CDK8: variants seen among roughly 807,000 people sequenced by gnomAD.
The protein encoded by CDK8 is cyclin dependent kinase 8.
A neutral mutation model predicts 71.5 loss-of-function variants in CDK8; 29 were observed. The ratio of observed to expected loss-of-function variants is 0.41; its 90% CI spans 0.30 to 0.55. The LOEUF is 0.55. Ranked by LOEUF, CDK8 falls within the 20% of genes least tolerant of loss-of-function variation. The pLI is 0.37. For synonymous variants in CDK8, 161 were observed against 192.1 expected, an observed-to-expected ratio of 0.84 and a Z score of 1.34; for missense variants, 288 against 572.6, an observed-to-expected ratio of 0.50 and a Z score of 5.07.
chr13:26,382,879 A>G lies in CDK8; in HGVS notation c.514+8A>G, dbSNP rs1490592478. 10 of 1,581,874 alleles carry G rather than the reference A, an allele frequency of 6.3e-6. No individual in the cohort carries two copies. Among genetic ancestry groups the G allele is most frequent in the South Asian group, 4.6e-5 (4 of 86,658 alleles). On this transcript the variant is annotated splice_region_variant and intron_variant, in intron 5 of 12. Coordinates refer to ENST00000381527, the MANE Select transcript of CDK8 (RefSeq NM_001260.3). ...GAGGAAGAGTAAAAATTGGTATGTT[A>G]TATCTTTGCTAAGTCACAGTGTAGC...
At chr13:26,353,596 T>G (rs937086908) in intron 3 of CDK8, 144 bp from the exon 4 acceptor site, 1 of 643,660 alleles carries the variant, frequency 1.6e-6, no homozygotes, top group East Asian at 2.8e-5. Flanking sequence ...TAAAGTTGTT[T>G]ATGTTATTCA....
intron 6 of CDK8, among the ~76,000 whole-genome samples, chr13:26,390,129 C>T (rs1875678412): frequency 6.6e-6 from 1 of 152,188 alleles, no homozygotes. Flanking sequence ...AAATACTCAA[C>T]AAATTTCTCA....
At chr13:26,309,815 T>C (rs548315296) in intron 1 of CDK8, among the ~76,000 whole-genome samples, 3 of 152,130 alleles carry the variant, frequency 2.0e-5, no homozygotes, top group Admixed American at 1.3e-4. Context: ...TGAGACAGAG[T>C]CTCGCTCTGT....
chr13:26,323,298 TGAGAGAGAGAGAGA>T (rs10523917), intron 1 of CDK8, among the ~76,000 whole-genome samples: 17 of 132,208 alleles, frequency 1.3e-4, no homozygotes, highest in East Asian at 8.5e-4. Context: ...TCCTCACATG[TGAGAGAGAGAGAGA>T]GAGAGAGAGA....
intron 1 of CDK8, among the ~76,000 whole-genome samples, chr13:26,264,711 T>C (rs1440380283): frequency 6.6e-6 from 1 of 152,024 alleles, no homozygotes; most frequent in Non-Finnish European, 1.5e-5. Context: ...TTAACTCACT[T>C]CTCCTCCTCT....
intron 1 of CDK8, among the ~76,000 whole-genome samples, chr13:26,271,731 G>A (rs757504211): frequency 2.0e-5 from 3 of 149,176 alleles, no homozygotes; most frequent in African/African-American, 7.4e-5. Context: ...GATTGCTTGA[G>A]TCCAGGAGCT....
At chr13:26,293,120 G>A (rs1365459430) in intron 1 of CDK8, among the ~76,000 whole-genome samples, 4 of 151,944 alleles carry the variant, frequency 2.6e-5, no homozygotes, top group Non-Finnish European at 1.5e-5. Context: ...TTCTCTTTTT[G>A]TATTTTCTTT....
At position 26,344,120 on chromosome 13, in the gene CDK8, C is replaced by T. The variant is rs1377859148; in HGVS notation, c.205-4952C>T. Reference sequence around the variant, plus strand: ...GTCCATGTTTATCCAATGTTTAGCCCCTACTTTTAAGTGAGAACATGTGGT... The same window carrying T: ...GTCCATGTTTATCCAATGTTTAGCCTCTACTTTTAAGTGAGAACATGTGGT... On this transcript the variant is annotated intron_variant, in intron 2 of 12. Coordinates refer to ENST00000381527, the MANE Select transcript of CDK8 (RefSeq NM_001260.3). Among the ~76,000 whole-genome samples, 3 of 152,108 alleles carry T rather than the reference C, an allele frequency of 2.0e-5. No homozygotes were observed. In the East Asian group the frequency reaches 5.8e-4, roughly 29 times the overall value.
intron 1 of CDK8, among the ~76,000 whole-genome samples, chr13:26,262,441 C>T (rs541150628): frequency 6.6e-6 from 1 of 152,146 alleles, no homozygotes; most frequent in South Asian, 2.1e-4. Flanking sequence ...TTTTTCTAAA[C>T]TTGCTAACAT....
At chr13:26,360,748 A>G (rs1874100291) in intron 4 of CDK8, among the ~76,000 whole-genome samples, 2 of 152,214 alleles carry the variant, frequency 1.3e-5, no homozygotes, top group South Asian at 4.1e-4. Context: ...AGTGGCTTCC[A>G]AGGTTATTTC....
chr13:26,280,646 T>C (rs1872708658), intron 1 of CDK8, among the ~76,000 whole-genome samples: 1 of 152,264 alleles, frequency 6.6e-6, no homozygotes, highest in African/African-American at 2.4e-5. Context: ...TCAAGTGTTT[T>C]GCCTGTTTTT....
At chr13:26,329,288 T>C (rs913681343) in intron 1 of CDK8, among the ~76,000 whole-genome samples, 3 of 152,084 alleles carry the variant, frequency 2.0e-5, no homozygotes, top group African/African-American at 7.2e-5. Flanking sequence ...TCCTCCCATC[T>C]CTTAAAGGTG....
intron 4 of CDK8, among the ~76,000 whole-genome samples, chr13:26,381,028 T>A (rs1385458650): frequency 3.3e-5 from 5 of 152,184 alleles, no homozygotes; most frequent in African/African-American, 1.2e-4. Flanking sequence ...AGATTTGTCT[T>A]TTATGAAAAT....
chr13:26,401,600 A>T lies in CDK8; in HGVS notation c.1245A>T (p.Gly415=), dbSNP rs1213544322. Residue 415 remains glycine (G), a synonymous_variant, in exon 12 of 13, where the codon GGA becomes GGT. Coordinates refer to ENST00000381527, the MANE Select transcript of CDK8 (RefSeq NM_001260.3). The surrounding 1 kb of genome is among the most constrained non-coding windows in gnomAD (Gnocchi z 4.5). ...TTCCTCCTACCACTACCTCAGGTGG[A>T]CTTATCATGACCTCAGACTATCAGG... is the stretch of plus-strand genomic sequence containing the variant. ...RVVPPTTTSG[G]LIMTSDYQRS... is the part of the protein sequence containing the mutation. The T allele has an allele frequency of 6.2e-7, 1 of 1,614,048 alleles. No individual in the cohort carries two copies. Among genetic ancestry groups the T allele is most frequent in the Non-Finnish European group, 8.5e-7 (1 of 1,180,018 alleles).
intron 1 of CDK8, among the ~76,000 whole-genome samples, chr13:26,287,635 G>A (rs1873082588): frequency 6.6e-6 from 1 of 152,146 alleles, no homozygotes; most frequent in South Asian, 2.1e-4. Flanking sequence ...CTGCTCAGGT[G>A]ATGGGTGCAT....
chr13:26,298,980 T>A (rs1873691129), intron 1 of CDK8, among the ~76,000 whole-genome samples: 1 of 152,182 alleles, frequency 6.6e-6, no homozygotes, highest in South Asian at 2.1e-4. Context: ...TCATCCAATA[T>A]GCTTTTCTAA....
chr13:26,305,220 T>G (rs886803950), intron 1 of CDK8, among the ~76,000 whole-genome samples: 2 of 152,204 alleles, frequency 1.3e-5, no homozygotes, highest in African/African-American at 4.8e-5. Flanking sequence ...TTGAAGGATA[T>G]TTCTCTTGGT....
intron 1 of CDK8, among the ~76,000 whole-genome samples, chr13:26,313,081 C>T (rs1336593276): frequency 6.6e-6 from 1 of 152,172 alleles, no homozygotes; most frequent in African/African-American, 2.4e-5. Flanking sequence ...AGTTAACTCC[C>T]AGGTCAGATT....
chr13:26,255,730 T>C (rs914285509), intron 1 of CDK8, among the ~76,000 whole-genome samples: 4 of 152,200 alleles, frequency 2.6e-5, no homozygotes, highest in African/African-American at 9.7e-5. Context: ...TATTGAAAAG[T>C]CAAAGCTTAT....
Sources: allele counts gnomAD v4.1 joint callset (sites outside exome capture counted in the v4.1 genomes callset), GRCh38; gene constraint gnomAD v4.1.1; non-coding constraint Gnocchi (gnomAD v3.1); transcripts MANE v1.5; gene names NCBI Gene and HGNC (gene_info 2026-07-23, HGNC 2026-07-21).